The following GRID1 variants were observed in gnomAD, a reference collection of about 807,000 sequenced individuals.
GRID1 encodes the protein glutamate receptor ionotropic, delta-1.
Under a neutral mutation model 98.0 loss-of-function variants are expected in GRID1, and 28 were observed. The ratio of observed to expected loss-of-function variants is 0.29; its 90% CI spans 0.21 to 0.39. The LOEUF is 0.39. Among genes scored for constraint, GRID1 ranks in the 10% least tolerant of loss-of-function variants. GRID1 has a pLI of 1.00. For missense variants in GRID1, 1,111 were observed against 1,340.5 expected (o/e 0.83, Z 2.67); for synonymous variants, 553 against 538.5 (o/e 1.03, Z -0.37).
At chr10:85,955,036 T>C (rs995037550) in intron 4 of GRID1, among the ~76,000 whole-genome samples, 35 of 152,246 alleles carry the variant, frequency 2.3e-4, no homozygotes, top group African/African-American at 7.9e-4. Flanking sequence ...ACAAAAAACA[T>C]GCCATTGACT....
intron 4 of GRID1, among the ~76,000 whole-genome samples, chr10:85,973,398 T>G (rs1842432494): frequency 6.6e-6 from 1 of 152,204 alleles, no homozygotes; most frequent in African/African-American, 2.4e-5. Context: ...ACTAATACAT[T>G]CTTCCAACAT....
At chr10:86,103,599 C>T (rs938859903) in intron 4 of GRID1, among the ~76,000 whole-genome samples, 13 of 152,352 alleles carry the variant, frequency 8.5e-5, no homozygotes, top group African/African-American at 2.4e-4. Flanking sequence ...AGAGGACTCC[C>T]GATGCTGCTT....
intron 13 of GRID1, among the ~76,000 whole-genome samples, chr10:85,640,097 T>C (rs750240282): frequency 6.6e-6 from 1 of 152,194 alleles, no homozygotes; most frequent in Non-Finnish European, 1.5e-5. Context: ...GAGCATAACA[T>C]TTAAACACAC....
rs374803111 is a variant in GRID1, at chr10:85,657,838, G to A, written c.1998-10441C>T. The stretch of plus-strand genomic sequence containing the variant: ...AGTGGAAATCAGCATCCACCAATTG[G>A]GAGAATTCTCCTGGGATACAGCCGT... On this transcript the variant is annotated intron_variant, in intron 12 of 15. Transcript: ENST00000327946. Among the ~76,000 whole-genome samples, 12 of 152,076 alleles carry A rather than the reference G, an allele frequency of 7.9e-5. No individual in the cohort carries two copies. In the East Asian group the frequency reaches 1.5e-3, roughly 20 times the overall value.
intron 4 of GRID1, among the ~76,000 whole-genome samples, chr10:86,064,123 G>A (rs1843687163): frequency 6.6e-6 from 1 of 152,066 alleles, no homozygotes; most frequent in African/African-American, 2.4e-5. Context: ...CCATGATAAT[G>A]TATAATCTCC....
chr10:85,713,609 C>T (rs1332034701), intron 12 of GRID1, among the ~76,000 whole-genome samples: 2 of 144,346 alleles, frequency 1.4e-5, no homozygotes, highest in South Asian at 2.2e-4. Context: ...AAAATGCTAA[C>T]AAACCTAATT....
chr10:86,106,989 G>A (rs1844399208), intron 4 of GRID1, among the ~76,000 whole-genome samples: 1 of 152,110 alleles, frequency 6.6e-6, no homozygotes, highest in South Asian at 2.1e-4. Flanking sequence ...GGGTCTTTGT[G>A]GTGACAGAAT....
chr10:85,672,073 A>C (rs1841092235), intron 12 of GRID1, among the ~76,000 whole-genome samples: 1 of 152,236 alleles, frequency 6.6e-6, no homozygotes. Flanking sequence ...GTGCTGATGG[A>C]GCAGCAAGTC....
intron 2 of GRID1, among the ~76,000 whole-genome samples, chr10:86,349,451 G>A (rs1848434179): frequency 6.6e-6 from 1 of 152,150 alleles, no homozygotes; most frequent in Admixed American, 6.5e-5. Context: ...AGAGGCATGG[G>A]GCCTCCAGAA....
intron 5 of GRID1, among the ~76,000 whole-genome samples, chr10:85,879,224 T>G (rs1840961257): frequency 6.6e-6 from 1 of 151,670 alleles, no homozygotes; most frequent in Admixed American, 6.6e-5. Context: ...AGACAGAAAG[T>G]CAACAAGGAT....
rs148882017 is a variant in GRID1, at chr10:85,917,627, G to A, written c.727-1388C>T. 2.3e-3 allele frequency among the ~76,000 whole-genome samples: 345 copies of A among 152,344 alleles called. 1 individual carries two copies. The highest frequency in any genetic ancestry group is 7.5e-3 in the African/African-American group (312 of 41,578). On this transcript the variant is annotated intron_variant, in intron 4 of 15. Coordinates refer to ENST00000327946, the MANE Select transcript of GRID1 (RefSeq NM_017551.3). The stretch of plus-strand genomic sequence containing the variant: ...TCACTCCCAACAAATGAGGCATGGA[G>A]GTGTCGGGGCCTGTGCCAACGACCC...
intron 12 of GRID1, among the ~76,000 whole-genome samples, chr10:85,683,224 A>G (rs1326888751): frequency 2.0e-5 from 3 of 152,196 alleles, no homozygotes; most frequent in Admixed American, 2.0e-4. Flanking sequence ...AAAAATAGAA[A>G]CATAAAATTT....
At chr10:86,116,940 T>C (rs1168592545) in intron 4 of GRID1, among the ~76,000 whole-genome samples, 1 of 152,062 alleles carries the variant, frequency 6.6e-6, no homozygotes, top group Non-Finnish European at 1.5e-5. Flanking sequence ...TGCTAGCCTG[T>C]ATACCACCAC....
intron 5 of GRID1, among the ~76,000 whole-genome samples, chr10:85,894,863 C>T (rs1246734847): frequency 6.6e-6 from 1 of 151,492 alleles, no homozygotes; most frequent in Non-Finnish European, 1.5e-5. Context: ...CAAAAATTAG[C>T]CCGGCATGGT....
chr10:85,865,904 CATATATACATATATATATATATATAT>C lies in GRID1; in HGVS notation c.951+3080_951+3105del, dbSNP rs1843209960. 5.7e-5 allele frequency among the ~76,000 whole-genome samples: 3 copies of C among 52,410 alleles called. 1 individual carries two copies. The highest frequency in any genetic ancestry group is 2.5e-4 in the African/African-American group (3 of 12,220). 34.4% of individuals were successfully genotyped at this position (52,410 alleles called of 152,430 possible). Reference sequence around the variant, plus strand: ...GAGATTCCTTTAATAAAGTGTTTTACATATATACATATATATATATATATATATATATATATATACACATATATATG... The same window carrying C: ...GAGATTCCTTTAATAAAGTGTTTTACATATATATATATACACATATATATG... On this transcript the variant is annotated intron_variant, in intron 6 of 15. Transcript: ENST00000327946.
intron 4 of GRID1, among the ~76,000 whole-genome samples, chr10:85,959,284 C>T (rs1842234851): frequency 6.6e-6 from 1 of 152,234 alleles, no homozygotes; most frequent in African/African-American, 2.4e-5. Context: ...CACTCCTGCC[C>T]TGTCCTGGCC....
intron 12 of GRID1, among the ~76,000 whole-genome samples, chr10:85,688,823 A>G (rs1452431963): frequency 6.6e-6 from 1 of 152,166 alleles, no homozygotes; most frequent in Non-Finnish European, 1.5e-5. Flanking sequence ...AGGACCCCAC[A>G]TGTCACACCT....
intron 8 of GRID1, among the ~76,000 whole-genome samples, chr10:85,805,994 TAA>T (rs910157986): frequency 2.1e-5 from 3 of 141,352 alleles, no homozygotes; most frequent in Non-Finnish European, 1.6e-5. Flanking sequence ...TATCATGCTT[TAA>T]AAAAAAAAAA....
intron 2 of GRID1, among the ~76,000 whole-genome samples, chr10:86,240,181 C>T (rs566983818): frequency 1.4e-4 from 22 of 152,334 alleles, no homozygotes; most frequent in African/African-American, 4.6e-4. Flanking sequence ...CCCCAGGAAA[C>T]CAAATATCAC....
Sources: gnomAD v4.1 joint callset for allele counts (sites outside exome capture counted in the v4.1 genomes callset) on GRCh38, gnomAD v4.1.1 for gene constraint, MANE v1.5 for transcripts, NCBI Gene and HGNC (gene_info 2026-07-23, HGNC 2026-07-21) for gene names.